Variants in RAB9B observed in about 807,000 individuals in gnomAD.
The protein encoded by RAB9B is RAB9B, member RAS oncogene family, also known as ras-related protein Rab-9B.
Under a neutral mutation model 8.9 loss-of-function variants are expected in RAB9B, and 1 was observed. That is an observed-to-expected ratio of 0.11 (90% CI 0.04 to 0.53). RAB9B has a LOEUF of 0.53. RAB9B is among the 20% of genes least tolerant of loss of function. The probability of loss-of-function intolerance (pLI) is 0.93; values close to 1 mark genes in which losing one functional copy is unlikely to be tolerated. For missense variants in RAB9B, 82 were observed against 152.9 expected (o/e 0.54, Z 2.45); for synonymous variants, 63 against 57.0 (o/e 1.10, Z -0.47).
the RAB9B span, among the ~76,000 whole-genome samples, chrX:103,816,002 C>T: frequency 6.3e-5 from 7 of 111,639 alleles, no homozygotes; most frequent in Non-Finnish European, 9.4e-5. Flanking sequence ...ATGGTCTTAC[C>T]GCCCAAAGTA....
the RAB9B span, chrX:103,787,113 G>A: frequency 4.8e-6 from 1 of 210,124 alleles, no homozygotes. Flanking sequence ...TGATCTGAGA[G>A]GGAGGATGGA....
At chrX:103,790,920 G>C in the RAB9B span, 2,434 of 301,470 alleles carry the variant, frequency 8.1e-3, 25 homozygotes, top group Middle Eastern at 0.055. Context: ...GGATCAGAAA[G>C]TAATTTCTTC....
the RAB9B span, among the ~76,000 whole-genome samples, chrX:103,804,507 A>C: frequency 8.9e-6 from 1 of 112,018 alleles, no homozygotes; most frequent in African/African-American, 3.2e-5. Context: ...CAATTTCAAC[A>C]TCAATTTCAG....
chrX:103,796,511 C>G, the RAB9B span, among the ~76,000 whole-genome samples: 1 of 110,469 alleles, frequency 9.1e-6, no homozygotes, highest in Non-Finnish European at 1.9e-5. Context: ...AAACTTGGCC[C>G]GGACTGTAAG....
chrX:103,796,201 A>G, the RAB9B span, among the ~76,000 whole-genome samples: 2 of 112,379 alleles, frequency 1.8e-5, no homozygotes, highest in African/African-American at 6.5e-5. Flanking sequence ...TGGGCAGGGC[A>G]TGGTGGCTCA....
At chrX:103,809,410 C>G in the RAB9B span, among the ~76,000 whole-genome samples, 25,162 of 111,211 alleles carry the variant, frequency 0.23, 2,223 homozygotes, top group Non-Finnish European at 0.27. Context: ...AAGCAATTCT[C>G]CTGCCTCAGC....
chrX:103,820,502 T>A (rs891944687), downstream of RAB9B, among the ~76,000 whole-genome samples: 12 of 111,881 alleles, frequency 1.1e-4, no homozygotes, highest in Admixed American at 1.0e-3. Flanking sequence ...AATTATGTAT[T>A]CCACACCTTC....
downstream of RAB9B, among the ~76,000 whole-genome samples, chrX:103,820,922 C>T (rs2074656777): frequency 9.5e-6 from 1 of 105,808 alleles, no homozygotes; most frequent in African/African-American, 3.5e-5. Context: ...TGCACTCCAG[C>T]CTGGGCAACA....
the RAB9B span, among the ~76,000 whole-genome samples, chrX:103,807,592 T>C: frequency 5.3e-5 from 6 of 112,253 alleles, no homozygotes; most frequent in Non-Finnish European, 1.9e-5. Flanking sequence ...CACTGAATTA[T>C]TCATCTTTGC....
chrX:103,819,417 AATC>A (rs1436914040), downstream of RAB9B, among the ~76,000 whole-genome samples: 1 of 110,763 alleles, frequency 9.0e-6, no homozygotes, highest in East Asian at 2.8e-4. Flanking sequence ...TATATAACTG[AATC>A]ATCATTCTCT....
chrX:103,797,721 G>C, the RAB9B span, among the ~76,000 whole-genome samples: 11 of 111,155 alleles, frequency 9.9e-5, no homozygotes, highest in African/African-American at 3.6e-4. Flanking sequence ...GTTGGCAGAT[G>C]GCCACTTGGC....
At chrX:103,780,431 GTCTCTC>G in the RAB9B span, among the ~76,000 whole-genome samples, 1 of 90,415 alleles carries the variant, frequency 1.1e-5, no homozygotes, top group African/African-American at 4.1e-5. Flanking sequence ...CATTCATTCT[GTCTCTC>G]TCTGTGTGTG....
At chrX:103,789,240 A>G in the RAB9B span, 15 of 688,672 alleles carry the variant, frequency 2.2e-5, no homozygotes, top group East Asian at 3.5e-4. Flanking sequence ...CAAGAAAGAT[A>G]TCAACACATT....
the RAB9B span, chrX:103,786,251 G>A: frequency 9.7e-6 from 11 of 1,132,883 alleles, no homozygotes; most frequent in East Asian, 3.0e-4. Context: ...GGTGTGGCGG[G>A]AGGGGCATAT....
At chrX:103,776,942 A>T in the RAB9B span, 1 of 1,161,854 alleles carries the variant, frequency 8.6e-7, no homozygotes. Flanking sequence ...GAACAAAGTC[A>T]GCCACAAAGC....
chrX:103,827,905 G>A (rs967436045), intron 1 of RAB9B, among the ~76,000 whole-genome samples: 1 of 111,770 alleles, frequency 8.9e-6, no homozygotes, highest in Admixed American at 9.5e-5. Context: ...GGGTTCAAAC[G>A]ATCTGCCCAC....
chrX:103,783,481 C>T, the RAB9B span, among the ~76,000 whole-genome samples: 1 of 111,191 alleles, frequency 9.0e-6, no homozygotes, highest in Admixed American at 9.4e-5. Flanking sequence ...TGGTGTGACA[C>T]TCTTTGAAGG....
At chrX:103,815,227 A>G in the RAB9B span, among the ~76,000 whole-genome samples, 2 of 112,228 alleles carry the variant, frequency 1.8e-5, no homozygotes, top group African/African-American at 3.2e-5. Flanking sequence ...GCAGCACATC[A>G]AAAACCTTAT....
the RAB9B span, among the ~76,000 whole-genome samples, chrX:103,795,355 C>A: frequency 2.7e-5 from 3 of 111,560 alleles, no homozygotes; most frequent in African/African-American, 9.8e-5. Context: ...CTGTTTTGCC[C>A]CCCAATGTGG....
Sources: gnomAD v4.1 joint callset for allele counts (sites outside exome capture counted in the v4.1 genomes callset) on GRCh38, gnomAD v4.1.1 for gene constraint, MANE v1.5 for transcripts, NCBI Gene and HGNC (gene_info 2026-07-23, HGNC 2026-07-21) for gene names.